The following ZSWIM5 variants were observed in gnomAD, a reference collection of about 807,000 sequenced individuals.
ZSWIM5 encodes the protein zinc finger SWIM-type containing 5.
A neutral mutation model predicts 119.6 loss-of-function variants in ZSWIM5; 55 were observed. The ratio of observed to expected loss-of-function variants is 0.46; its 90% confidence interval spans 0.37 to 0.58. The LOEUF (loss-of-function observed/expected upper bound fraction) is 0.58. Ranked by LOEUF, ZSWIM5 falls within the 20% of genes least tolerant of loss-of-function variation. The pLI, the probability that ZSWIM5 is intolerant of heterozygous loss-of-function variation, is 0.00. For synonymous variants in ZSWIM5, 537 were observed against 606.9 expected, an observed-to-expected ratio of 0.88 and a Z score of 1.69; for missense variants, 1,193 against 1,512.8, an observed-to-expected ratio of 0.79 and a Z score of 3.51.
At chr1:45,120,285 A>C (rs1241787719) in intron 1 of ZSWIM5, among the ~76,000 whole-genome samples, 1 of 152,192 alleles carries the variant, frequency 6.6e-6, no homozygotes, top group Non-Finnish European at 1.5e-5. Context: ...GGGAGGTCGC[A>C]GTGAGCCGCC....
intron 1 of ZSWIM5, among the ~76,000 whole-genome samples, chr1:45,191,151 G>A (rs190157584): frequency 2.7e-5 from 4 of 150,170 alleles, no homozygotes; most frequent in Non-Finnish European, 5.9e-5. Context: ...TGATCCGCCC[G>A]CTCCTTATCC....
rs1488552814 is a variant in ZSWIM5, at chr1:45,018,322, G to A, written c.*132C>T. ...TAGAGCTGGACTTTCCCCATCCTTA[G>A]CCCTGTGGTCCTTTGGCCTCATCCA... On this transcript the variant is annotated 3_prime_UTR_variant, in exon 14 of 14. Coordinates refer to ENST00000359600, the MANE Select transcript of ZSWIM5 (RefSeq NM_020883.2). This position sits in a 1 kb window ranked among gnomAD's most constrained non-coding sequence, Gnocchi z 6.7. 6.0e-5 allele frequency: 67 copies of A among 1,125,042 alleles called. No individual in the cohort carries two copies. The highest frequency in any genetic ancestry group is 7.9e-5 in the Non-Finnish European group (63 of 798,902). 69.7% of individuals were successfully genotyped at this position (1,125,042 alleles called of 1,614,324 possible).
chr1:45,043,634 G>A (rs574517070), intron 5 of ZSWIM5, among the ~76,000 whole-genome samples: 3 of 152,212 alleles, frequency 2.0e-5, no homozygotes, highest in African/African-American at 7.2e-5. Flanking sequence ...GCTCTTTATA[G>A]GAATAACCTT....
intron 2 of ZSWIM5, among the ~76,000 whole-genome samples, chr1:45,081,205 T>C (rs562716544): frequency 8.7e-4 from 132 of 152,182 alleles, no homozygotes; most frequent in African/African-American, 2.9e-3. Flanking sequence ...TCCAGGTCCA[T>C]ATATTCAACT....
At chr1:45,056,679 T>G (rs571128998) in intron 4 of ZSWIM5, among the ~76,000 whole-genome samples, 44 of 152,090 alleles carry the variant, frequency 2.9e-4, no homozygotes, top group Non-Finnish European at 4.7e-4. Context: ...AGAAAAAAGT[T>G]AATAATGCCC....
At chr1:45,123,279 A>G (rs1645603904) in intron 1 of ZSWIM5, among the ~76,000 whole-genome samples, 1 of 152,232 alleles carries the variant, frequency 6.6e-6, no homozygotes, top group Non-Finnish European at 1.5e-5. Flanking sequence ...AGTAGATATC[A>G]ACACCAAAGT....
chr1:45,019,163 G>C lies in ZSWIM5; in HGVS notation c.2849C>G (p.Ala950Gly), dbSNP rs1557737500. Residue 950 changes from alanine to glycine, a missense_variant, in exon 14 of 14, where the codon GCT (alanine) becomes GGT (glycine). Ala to Gly is a moderately conservative substitution (Grantham distance 60). Coordinates refer to ENST00000359600, the MANE Select transcript of ZSWIM5 (RefSeq NM_020883.2). This position sits in a 1 kb window ranked among gnomAD's most constrained non-coding sequence, Gnocchi z 5.0. The stretch of plus-strand genomic sequence containing the variant: ...AGCACACTGTAGAGCCAGTGTGCGA[G>C]CACAGCTAGCCAGTTCCTCCCGCTG... The part of the protein sequence containing the change: ...YPQREELASC[A>G]RTLALQCAMK... 6.2e-7 allele frequency: 1 copy of C among 1,613,840 alleles called. No homozygotes were observed.
intron 2 of ZSWIM5, among the ~76,000 whole-genome samples, chr1:45,081,705 G>A (rs1277814827): frequency 6.6e-5 from 10 of 152,154 alleles, no homozygotes; most frequent in African/African-American, 1.9e-4. Flanking sequence ...CCAAAGTGCC[G>A]AGATTGCAGC....
chr1:45,115,057 A>C (rs924149254), intron 1 of ZSWIM5, among the ~76,000 whole-genome samples: 1 of 152,230 alleles, frequency 6.6e-6, no homozygotes, highest in Non-Finnish European at 1.5e-5. Flanking sequence ...CCACACAGAC[A>C]CAGTAACAAT....
At chr1:45,102,139 T>G (rs981295017) in intron 1 of ZSWIM5, among the ~76,000 whole-genome samples, 48 of 152,218 alleles carry the variant, frequency 3.2e-4, no homozygotes, top group Non-Finnish European at 1.0e-4. Context: ...ACTGAATTGC[T>G]TAAAATCATT....
chr1:45,058,351 A>C (rs552103157), intron 4 of ZSWIM5, among the ~76,000 whole-genome samples: 1 of 152,324 alleles, frequency 6.6e-6, no homozygotes, highest in African/African-American at 2.4e-5. Flanking sequence ...GAAGACAAGC[A>C]AAGAGGTTTT....
chr1:45,191,052 T>C (rs1646089352), intron 1 of ZSWIM5, among the ~76,000 whole-genome samples: 1 of 143,838 alleles, frequency 7.0e-6, no homozygotes, highest in Non-Finnish European at 1.5e-5. Flanking sequence ...GTTCACGCCA[T>C]TCTCCTGCCT....
chr1:45,146,725 TAC>T (rs150690468), intron 1 of ZSWIM5, among the ~76,000 whole-genome samples: 1 of 151,230 alleles, frequency 6.6e-6, no homozygotes, highest in Admixed American at 6.6e-5. Context: ...CTTTATAGAC[TAC>T]ACACACACAC....
At chr1:45,134,180 G>A (rs754849412) in intron 1 of ZSWIM5, among the ~76,000 whole-genome samples, 25 of 152,056 alleles carry the variant, frequency 1.6e-4, no homozygotes, top group Non-Finnish European at 3.5e-4. Context: ...TGATGGCATT[G>A]AATCTATAAA....
At chr1:45,047,913 G>T (rs935963050) in intron 5 of ZSWIM5, among the ~76,000 whole-genome samples, 5 of 152,094 alleles carry the variant, frequency 3.3e-5, no homozygotes, top group African/African-American at 9.7e-5. Flanking sequence ...GTGTGAAATA[G>T]TAATTTATAA....
intron 2 of ZSWIM5, among the ~76,000 whole-genome samples, chr1:45,077,632 T>C (rs879027840): frequency 6.6e-6 from 1 of 152,156 alleles, no homozygotes; most frequent in Non-Finnish European, 1.5e-5. Context: ...TGAGATCAAC[T>C]GGTCTGACCA....
At chr1:45,032,990 C>T (rs1362000760) in intron 11 of ZSWIM5, among the ~76,000 whole-genome samples, 1 of 151,916 alleles carries the variant, frequency 6.6e-6, no homozygotes, top group Non-Finnish European at 1.5e-5. Context: ...GTATAGTTTT[C>T]TTCATGTTTA....
intron 1 of ZSWIM5, among the ~76,000 whole-genome samples, chr1:45,182,550 G>A (rs1235122234): frequency 6.6e-6 from 1 of 152,208 alleles, no homozygotes; most frequent in Non-Finnish European, 1.5e-5. Context: ...AAGGATGGAG[G>A]AAGATCTGCC....
Position 45,105,974 on chromosome 1 carries a change from G to A in ZSWIM5, c.596-17737C>T, listed in dbSNP as rs190168454. Among the ~76,000 whole-genome samples the A allele has an allele frequency of 2.8e-4, 35 of 125,776 alleles. No homozygotes were observed. In the East Asian group the frequency reaches 7.6e-3, roughly 27 times the overall value. 82.5% of individuals were successfully genotyped at this position (125,776 alleles called of 152,430 possible). On this transcript the variant is annotated intron_variant, in intron 1 of 13. Coordinates refer to ENST00000359600, the MANE Select transcript of ZSWIM5 (RefSeq NM_020883.2). ...TGGGAAGTGAGGAGCGCCTCTGCCCGGTTGCCCCGAATGGGAAGTGAGGAG... is the reference window on the plus strand; with the variant it reads ...TGGGAAGTGAGGAGCGCCTCTGCCCAGTTGCCCCGAATGGGAAGTGAGGAG...
Sources: allele counts gnomAD v4.1 joint callset (sites outside exome capture counted in the v4.1 genomes callset), GRCh38; gene constraint gnomAD v4.1.1; non-coding constraint Gnocchi (gnomAD v3.1); transcripts MANE v1.5; gene names NCBI Gene and HGNC (gene_info 2026-07-23, HGNC 2026-07-21).